The following KCNIP4 variants were observed in gnomAD, a reference collection of about 807,000 sequenced individuals.
KCNIP4 encodes the protein Kv channel-interacting protein 4.
KCNIP4 carries 12 observed loss-of-function variants against 34.0 expected under a neutral mutation model. The ratio of observed to expected loss-of-function variants is 0.35; its 90% CI spans 0.23 to 0.57. The LOEUF (loss-of-function observed/expected upper bound fraction) is 0.57, where lower values mean the gene tolerates loss of function less well. Ranked by LOEUF, KCNIP4 falls within the 20% of genes least tolerant of loss-of-function variation. The probability of loss-of-function intolerance (pLI) is 0.83; values close to 1 mark genes in which losing one functional copy is unlikely to be tolerated. For missense variants in KCNIP4, 238 were observed against 311.7 expected, an observed-to-expected ratio of 0.76 and a Z score of 1.78; for synonymous variants, 124 against 102.2, an observed-to-expected ratio of 1.21 and a Z score of -1.29.
intron 1 of KCNIP4, among the ~76,000 whole-genome samples, chr4:21,183,645 G>C (rs1302579361): frequency 1.3e-5 from 2 of 151,722 alleles, no homozygotes; most frequent in African/African-American, 4.8e-5. Context: ...GTCATCTTTT[G>C]TCTTTTTGAT....
intron 1 of KCNIP4, among the ~76,000 whole-genome samples, chr4:21,792,124 T>C (rs569315719): frequency 2.6e-5 from 4 of 152,000 alleles, no homozygotes; most frequent in Non-Finnish European, 5.9e-5. Flanking sequence ...GCTTGCTTAG[T>C]TGCTTATTTA....
intron 1 of KCNIP4, among the ~76,000 whole-genome samples, chr4:20,907,442 C>G (rs776875592): frequency 6.6e-6 from 1 of 152,128 alleles, no homozygotes; most frequent in Non-Finnish European, 1.5e-5. Context: ...ATCTACCTAT[C>G]TCATGGGATT....
At chr4:21,670,932 A>G (rs1749449460) in intron 1 of KCNIP4, among the ~76,000 whole-genome samples, 1 of 150,660 alleles carries the variant, frequency 6.6e-6, no homozygotes, top group Non-Finnish European at 1.5e-5. Context: ...CTGGGATTAC[A>G]GGTGTGAGCC....
chr4:21,206,539 G>GCT (rs1226099427), intron 1 of KCNIP4, among the ~76,000 whole-genome samples: 1 of 152,172 alleles, frequency 6.6e-6, no homozygotes, highest in Non-Finnish European at 1.5e-5. Flanking sequence ...ATGGGGGATG[G>GCT]CTTCTTGCTA....
chr4:21,080,350 G>A (rs555428468), intron 1 of KCNIP4, among the ~76,000 whole-genome samples: 10 of 151,940 alleles, frequency 6.6e-5, no homozygotes, highest in East Asian at 1.9e-4. Flanking sequence ...AGAAGTGTAC[G>A]CTAATATTTT....
intron 1 of KCNIP4, among the ~76,000 whole-genome samples, chr4:21,730,465 G>T (rs116183527): frequency 6.6e-6 from 1 of 152,162 alleles, no homozygotes; most frequent in South Asian, 2.1e-4. Context: ...GCAGGTAAGC[G>T]AGCTGCTTAC....
intron 1 of KCNIP4, among the ~76,000 whole-genome samples, chr4:21,012,060 G>A (rs1430921935): frequency 6.6e-6 from 1 of 152,116 alleles, no homozygotes; most frequent in Non-Finnish European, 1.5e-5. Flanking sequence ...GGGAAGCAAG[G>A]GTGTCACAAT....
chr4:21,421,881 G>A (rs1325083543), intron 1 of KCNIP4, among the ~76,000 whole-genome samples: 2 of 152,038 alleles, frequency 1.3e-5, no homozygotes, highest in African/African-American at 2.4e-5. Flanking sequence ...CTTCATTCTG[G>A]ATCAATATAG....
At chr4:21,898,152 C>A (rs1289620988) in intron 1 of KCNIP4, among the ~76,000 whole-genome samples, 1 of 152,148 alleles carries the variant, frequency 6.6e-6, no homozygotes, top group Non-Finnish European at 1.5e-5. Context: ...AGCCTTGCCA[C>A]CATGAGCTAA....
At chr4:20,828,202 G>T (rs911840606) in intron 3 of KCNIP4, among the ~76,000 whole-genome samples, 2 of 152,212 alleles carry the variant, frequency 1.3e-5, no homozygotes, top group Admixed American at 1.3e-4. Context: ...GCCGAGGCGG[G>T]TGGATCCCAA....
chr4:21,077,310 T>C (rs1352570099), intron 1 of KCNIP4, among the ~76,000 whole-genome samples: 2 of 152,140 alleles, frequency 1.3e-5, no homozygotes, highest in Admixed American at 6.6e-5. Context: ...CTTATCTCAT[T>C]TGAAGAAAAA....
chr4:21,615,540 C>T (rs911468956), intron 1 of KCNIP4, among the ~76,000 whole-genome samples: 5 of 145,608 alleles, frequency 3.4e-5, no homozygotes, highest in Admixed American at 1.4e-4. Flanking sequence ...GGCGAGACTC[C>T]GCCTCAAAAA....
intron 1 of KCNIP4, among the ~76,000 whole-genome samples, chr4:21,755,079 A>T (rs1392764020): frequency 6.6e-6 from 1 of 152,152 alleles, no homozygotes; most frequent in Non-Finnish European, 1.5e-5. Flanking sequence ...TGAATCCCAG[A>T]GGCAGAGGTA....
intron 1 of KCNIP4, among the ~76,000 whole-genome samples, chr4:21,595,486 T>A (rs932853186): frequency 6.6e-6 from 1 of 152,144 alleles, no homozygotes; most frequent in Non-Finnish European, 1.5e-5. Context: ...GAATGATTTA[T>A]AATCCTTTGG....
chr4:21,536,412 CA>C (rs1191763870), intron 1 of KCNIP4, among the ~76,000 whole-genome samples: 23 of 152,018 alleles, frequency 1.5e-4, no homozygotes, highest in African/African-American at 5.3e-4. Flanking sequence ...AAACAAATGA[CA>C]AGTAACCAAA....
At chr4:21,044,180 C>T (rs1329645738) in intron 1 of KCNIP4, among the ~76,000 whole-genome samples, 2 of 152,192 alleles carry the variant, frequency 1.3e-5, no homozygotes, top group African/African-American at 4.8e-5. Context: ...CTCATCTCCA[C>T]TACCATCTTC....
intron 1 of KCNIP4, among the ~76,000 whole-genome samples, chr4:20,965,703 T>C (rs1323928980): frequency 6.6e-6 from 1 of 152,196 alleles, no homozygotes; most frequent in Non-Finnish European, 1.5e-5. Context: ...TGAAATATAT[T>C]AGCTAGGCAG....
chr4:21,154,396 A>G (rs1752992594), intron 1 of KCNIP4, among the ~76,000 whole-genome samples: 1 of 152,224 alleles, frequency 6.6e-6, no homozygotes, highest in South Asian at 2.1e-4. Context: ...GTATATGCTG[A>G]ATGGTCATTA....
chr4:21,674,290 C>T (rs1749718522), intron 1 of KCNIP4, among the ~76,000 whole-genome samples: 1 of 152,092 alleles, frequency 6.6e-6, no homozygotes, highest in Admixed American at 6.5e-5. Context: ...GCACACACAC[C>T]CATGTACATT....
Sources: gnomAD v4.1 joint callset for allele counts (sites outside exome capture counted in the v4.1 genomes callset) on GRCh38, gnomAD v4.1.1 for gene constraint, MANE v1.5 for transcripts, NCBI Gene and HGNC (gene_info 2026-07-23, HGNC 2026-07-21) for gene names.